Variants in TP73 observed in about 807,000 individuals in gnomAD.
The protein encoded by TP73 is p53-like transcription factor.
Under a neutral mutation model 62.5 loss-of-function variants are expected in TP73, and 25 were observed. That is an observed-to-expected ratio of 0.40 (90% CI 0.29 to 0.56). TP73 has a LOEUF of 0.56. TP73 is among the 20% of genes least tolerant of loss of function. The probability of loss-of-function intolerance (pLI) is 0.46; values close to 1 mark genes in which losing one functional copy is unlikely to be tolerated. For synonymous variants in TP73, 423 were observed against 377.5 expected (o/e 1.12, Z -1.40); for missense variants, 754 against 913.3 (o/e 0.83, Z 2.25).
intron 1 of TP73, among the ~76,000 whole-genome samples, chr1:3,675,790 G>A (rs538042949): frequency 2.0e-5 from 3 of 152,260 alleles, no homozygotes; most frequent in African/African-American, 7.2e-5. Flanking sequence ...AGCCCTGTCT[G>A]CCCCAGGCCT....
chr1:3,683,619 A>G (rs984748835), intron 3 of TP73, among the ~76,000 whole-genome samples: 14 of 152,118 alleles, frequency 9.2e-5, no homozygotes, highest in African/African-American at 2.9e-4. Flanking sequence ...CCCTGCAGTG[A>G]CTTTGTTTTT....
rs746096915 is a variant in TP73 at position 3,728,146 on chromosome 1, C to T, written c.1003C>T (p.Pro335Ser). 4 of 1,611,232 alleles carry T rather than the reference C, an allele frequency of 2.5e-6. No individual in the cohort carries two copies. The highest frequency in any genetic ancestry group is 3.4e-6 in the Non-Finnish European group (4 of 1,179,918). Residue 335 changes from proline (P) to serine (S), a missense_variant, in exon 9 of 14, where the codon CCT becomes TCT. This residue lies in a region of TP73 where 458 missense variants were observed against 528.7 expected (regional missense o/e 0.87). Transcript: ENST00000378295. Reference protein sequence around the residue: ...ASKRAFKQSPPAVPALGAGVK... With the variant: ...ASKRAFKQSPSAVPALGAGVK... ...CCTTCCAGCCTTCAAGCAGAGCCCCCCTGCCGTCCCCGCCCTTGGTGCCGG... is the reference window on the plus strand; with the variant it reads ...CCTTCCAGCCTTCAAGCAGAGCCCCTCTGCCGTCCCCGCCCTTGGTGCCGG...
At position 3,722,112 on chromosome 1, in the gene TP73, C is replaced by T; in HGVS notation, c.521C>T (p.Ala174Val). 6.2e-7 allele frequency: 1 copy of T among 1,612,828 alleles called. No homozygotes were observed. Among genetic ancestry groups the T allele is most frequent in the Non-Finnish European group, 8.5e-7 (1 of 1,179,846 alleles). Reference protein sequence around the residue: ...KVSTPPPPGTAIRAMPVYKKA... With the variant: ...KVSTPPPPGTVIRAMPVYKKA... ...TCCACCCCGCCACCCCCAGGCACCGCCATCCGGGCCATGCCTGTTTACAAG... is the reference window on the plus strand; with the variant it reads ...TCCACCCCGCCACCCCCAGGCACCGTCATCCGGGCCATGCCTGTTTACAAG... Residue 174 changes from alanine to valine, a missense_variant, in exon 5 of 14, where the codon GCC (alanine) becomes GTC (valine). By Grantham distance (64) the Ala-to-Val change is moderately conservative. Coordinates refer to ENST00000378295, the MANE Select transcript of TP73 (RefSeq NM_005427.4).
At chr1:3,657,609 T>C (rs1034802575) in intron 1 of TP73, among the ~76,000 whole-genome samples, 1 of 152,200 alleles carries the variant, frequency 6.6e-6, no homozygotes, top group African/African-American at 2.4e-5. Context: ...ATTTAAAACA[T>C]TCTCCCGGAC....
Position 3,732,938 on chromosome 1 carries a change from G to A in TP73, c.1770G>A (p.Val590=). ...TCATGGAGGCCGTGCACTTCCGCGTGCGCCACACCATCACCATCCCCAACC... is the reference window on the plus strand; with the variant it reads ...TCATGGAGGCCGTGCACTTCCGCGTACGCCACACCATCACCATCCCCAACC... ...QRVMEAVHFR[V]RHTITIPNRG... Residue 590 remains valine, a synonymous_variant, in exon 14 of 14, where the codon GTG becomes GTA. Transcript: ENST00000378295. 1.2e-6 allele frequency: 2 copies of A among 1,609,960 alleles called. No individual in the cohort carries two copies. The highest frequency in any genetic ancestry group is 1.7e-6 in the Non-Finnish European group (2 of 1,179,390).
chr1:3,719,793 G>A lies in TP73; in HGVS notation c.430-2228G>A, dbSNP rs760302888. ...CAAGGAGACTGCTGTACTTCCCGCT[G>A]TGCCCAAGCCTGCAGCTCCGACAGT... On this transcript the variant is annotated intron_variant, in intron 4 of 13. Transcript: ENST00000378295. Among the ~76,000 whole-genome samples, 60 of 152,234 alleles carry A rather than the reference G, an allele frequency of 3.9e-4. 1 individual carries two copies. The highest frequency in any genetic ancestry group is 7.8e-4 in the Non-Finnish European group (53 of 68,036).
chr1:3,657,995 G>A (rs143798721), intron 1 of TP73, among the ~76,000 whole-genome samples: 61 of 152,364 alleles, frequency 4.0e-4, no homozygotes, highest in African/African-American at 1.4e-3. Flanking sequence ...AGAAGGTCGG[G>A]GGACATCGGT....
At position 3,666,958 on chromosome 1, in the gene TP73, G is replaced by A. The variant is rs758817415; in HGVS notation, c.-34+14317G>A. ...GTTATTTCCCATGGCAAAGGGGACC[G>A]TGATTCAGCTATTTTGAGATGGGGA... is the stretch of plus-strand genomic sequence containing the variant. On this transcript the variant is annotated intron_variant, in intron 1 of 13. Transcript: ENST00000378295. The surrounding 1 kb of genome is among the most constrained non-coding windows in gnomAD (Gnocchi z 6.4). 2.0e-4 allele frequency among the ~76,000 whole-genome samples: 31 copies of A among 152,194 alleles called. No homozygotes were observed. Among genetic ancestry groups the A allele is most frequent in the Non-Finnish European group, 3.8e-4 (26 of 68,032 alleles).
chr1:3,716,251 G>A (rs1319903184), intron 4 of TP73, among the ~76,000 whole-genome samples: 1 of 152,210 alleles, frequency 6.6e-6, no homozygotes, highest in Non-Finnish European at 1.5e-5. Flanking sequence ...CCAGCATGGG[G>A]GTGCCAGCAG....
chr1:3,675,988 C>A (rs1271302427), intron 1 of TP73, among the ~76,000 whole-genome samples: 1 of 151,378 alleles, frequency 6.6e-6, no homozygotes, highest in Non-Finnish European at 1.5e-5. Flanking sequence ...GATGGGAGGG[C>A]AGGAAGGGGG....
At chr1:3,683,302 G>C (rs1645568911) in intron 3 of TP73, 122 bp downstream of exon 3, 2 of 1,284,966 alleles carry the variant, frequency 1.6e-6, no homozygotes, top group Non-Finnish European at 2.1e-6. Context: ...TTCCCCTGTG[G>C]GTTTCTGAGG....
In TP73 at chr1:3,661,999, C is replaced by T. The variant is rs1410265582; in HGVS notation, c.-34+9358C>T. The stretch of plus-strand genomic sequence containing the variant: ...CCTTGAAGCCCAGGAGTTGAGGCTG[C>T]GATGAACTATGATGGTGCCACTGCA... On this transcript the variant is annotated intron_variant, in intron 1 of 13. Transcript: ENST00000378295. Among the ~76,000 whole-genome samples, 10 of 150,852 alleles carry T rather than the reference C, an allele frequency of 6.6e-5. No homozygotes were observed. The South Asian group carries it at 1.3e-3, about 19-fold the overall frequency.
chr1:3,691,456 C>A (rs1645827434), intron 3 of TP73, among the ~76,000 whole-genome samples: 1 of 152,156 alleles, frequency 6.6e-6, no homozygotes, highest in South Asian at 2.1e-4. Flanking sequence ...GCCCCACGGG[C>A]TCTTCTCGGT....
At chr1:3,688,889 C>T (rs1035850987) in intron 3 of TP73, among the ~76,000 whole-genome samples, 2 of 152,182 alleles carry the variant, frequency 1.3e-5, no homozygotes, top group African/African-American at 4.8e-5. Flanking sequence ...TTCCACTTGG[C>T]GCTCTCCTTT....
At chr1:3,704,370 C>G (rs1373843018) in intron 3 of TP73, among the ~76,000 whole-genome samples, 1 of 152,172 alleles carries the variant, frequency 6.6e-6, no homozygotes, top group Non-Finnish European at 1.5e-5. Context: ...ACACACTGGG[C>G]TCAGGTCCAT....
chr1:3,688,523 C>A (rs543708620), intron 3 of TP73, among the ~76,000 whole-genome samples: 1 of 152,092 alleles, frequency 6.6e-6, no homozygotes, highest in Non-Finnish European at 1.5e-5. Context: ...GAAAGTCAGG[C>A]GGAATCCCCG....
At chr1:3,679,718 G>A (rs550271758) in intron 1 of TP73, among the ~76,000 whole-genome samples, 23 of 136,536 alleles carry the variant, frequency 1.7e-4, no homozygotes, top group East Asian at 6.5e-4. Flanking sequence ...GTCTCTCTCC[G>A]TCTCTCTTTG....
chr1:3,663,434 G>A lies in TP73; in HGVS notation c.-34+10793G>A, dbSNP rs930473065. Among the ~76,000 whole-genome samples, 8 of 152,160 alleles carry A rather than the reference G, an allele frequency of 5.3e-5. No individual in the cohort carries two copies. The highest frequency in any genetic ancestry group is 1.9e-4 in the African/African-American group (8 of 41,428). On this transcript the variant is annotated intron_variant, in intron 1 of 13. Transcript: ENST00000378295. This position sits in a 1 kb window ranked among gnomAD's most constrained non-coding sequence, Gnocchi z 4.7. ...CGGAGCGTGATGAAAGGATACAGGCGGCTGGGCGTGGTGGCTCACGCCTGT... is the reference window on the plus strand; with the variant it reads ...CGGAGCGTGATGAAAGGATACAGGCAGCTGGGCGTGGTGGCTCACGCCTGT...
intron 1 of TP73, among the ~76,000 whole-genome samples, chr1:3,657,724 C>T (rs116141708): frequency 9.1e-4 from 138 of 152,294 alleles, no homozygotes; most frequent in African/African-American, 3.3e-3. Flanking sequence ...TCTTGGAACC[C>T]GGACACTGAA....
Sources: gnomAD v4.1 joint callset for allele counts (sites outside exome capture counted in the v4.1 genomes callset) on GRCh38, gnomAD v4.1.1 for gene constraint, gnomAD v4.1.1 regional missense constraint, Gnocchi (gnomAD v3.1) non-coding constraint, MANE v1.5 for transcripts, NCBI Gene and HGNC (gene_info 2026-07-23, HGNC 2026-07-21) for gene names.